The following MAP1LC3A variants were observed in gnomAD, a reference collection of about 807,000 sequenced individuals.
MAP1LC3A encodes microtubule associated protein 1 light chain 3 alpha.
A neutral mutation model predicts 15.2 loss-of-function variants in MAP1LC3A; 10 were observed. The ratio of observed to expected loss-of-function variants is 0.66; its 90% CI spans 0.41 to 1.12. MAP1LC3A has a LOEUF of 1.12. Ranked by LOEUF, MAP1LC3A falls within the 50% of genes most tolerant of loss-of-function variation. MAP1LC3A has a pLI of 0.00. For missense variants in MAP1LC3A, 138 were observed against 167.3 expected, an observed-to-expected ratio of 0.82 and a Z score of 0.97; for synonymous variants, 63 against 64.3, an observed-to-expected ratio of 0.98 and a Z score of 0.10.
chr20:34,558,728 C>T lies in MAP1LC3A; in HGVS notation c.-141C>T, dbSNP rs945180238. ...TGACCTGACGTCACCGGGCGAGTTA[C>T]CTCCCGCAGCCGCAGCCGCCGTGCT... On this transcript the variant is annotated 5_prime_UTR_variant, in exon 1 of 4. Transcript: ENST00000360668. This position sits in a 1 kb window ranked among gnomAD's most constrained non-coding sequence, Gnocchi z 4.3. The T allele has an allele frequency of 6.2e-6, 8 of 1,296,726 alleles. No individual in the cohort carries two copies. Among genetic ancestry groups the T allele is most frequent in the Non-Finnish European group, 7.8e-6 (8 of 1,026,034 alleles). 80.3% of individuals were successfully genotyped at this position (1,296,726 alleles called of 1,614,324 possible).
Position 34,559,235 on chromosome 20 carries a change from T to G in MAP1LC3A, c.68T>G (p.Ile23Ser), listed in dbSNP as rs1377703569. 3 of 1,605,010 alleles carry G rather than the reference T, an allele frequency of 1.9e-6. No individual in the cohort carries two copies. Among genetic ancestry groups the G allele is most frequent in the Non-Finnish European group, 2.5e-6 (3 of 1,176,972 alleles). The change falls in exon 2 of 4, where the codon ATC becomes AGC. Residue 23 changes from isoleucine (I) to serine (S), a missense_variant. Ile to Ser is a moderately radical substitution (Grantham distance 142). Coordinates refer to ENST00000360668, the MANE Select transcript of MAP1LC3A (RefSeq NM_032514.4). ...GACCGCTGTAAGGAGGTACAGCAGA[T>G]CCGCGACCAGCACCCCAGCAAAATC... ...FADRCKEVQQ[I>S]RDQHPSKIPV... is the part of the protein sequence containing the mutation.
At position 34,560,088 on chromosome 20, in the gene MAP1LC3A, T is replaced by C; in HGVS notation, c.*190T>C. The C allele has an allele frequency of 2.9e-6, 1 of 350,288 alleles. No homozygotes were observed. Among genetic ancestry groups the C allele is most frequent in the Non-Finnish European group, 5.3e-6 (1 of 187,370 alleles). 21.7% of individuals were successfully genotyped at this position (350,288 alleles called of 1,614,324 possible). ...TCCTGGGCCGGTCGTGTTAGGGTTG[T>C]CCCTCTGGGTGCTGGCTGGTGGGAT... is the stretch of plus-strand genomic sequence containing the variant. On this transcript the variant is annotated 3_prime_UTR_variant, in exon 4 of 4. Coordinates refer to ENST00000360668, the MANE Select transcript of MAP1LC3A (RefSeq NM_032514.4).
chr20:34,558,113 C>T (rs1357111848), upstream of MAP1LC3A: 4 of 985,550 alleles, frequency 4.1e-6, no homozygotes, highest in Non-Finnish European at 4.8e-6. The surrounding 1 kb of genome is among the most constrained non-coding windows in gnomAD (Gnocchi z 4.3). Flanking sequence ...TCCTTATTCC[C>T]CATCACCTGT....
Position 34,558,998 on chromosome 20 carries a change from G to A in MAP1LC3A, c.40+90G>A, listed in dbSNP as rs945231515. On this transcript the variant is annotated intron_variant, in intron 1 of 3. Transcript: ENST00000360668. This position sits in a 1 kb window ranked among gnomAD's most constrained non-coding sequence, Gnocchi z 4.3. ...GGTGACGTCAGCCCCGTGACGTCAG[G>A]CTCTGGCTGGACCCTCGGGCTGGGA... 143 of 1,339,706 alleles carry A rather than the reference G, an allele frequency of 1.1e-4. No individual in the cohort carries two copies. In the African/African-American group the frequency reaches 1.9e-3, roughly 18 times the overall value. 83.0% of individuals were successfully genotyped at this position (1,339,706 alleles called of 1,614,324 possible). A position where few individuals can be genotyped will look rare whatever the true frequency, so the allele number is the denominator to read the frequency against.
At chr20:34,559,667 T>TG (rs897704526) in intron 3 of MAP1LC3A, 69 bp from the exon 4 acceptor site, 19 of 1,492,666 alleles carry the variant, frequency 1.3e-5, no homozygotes, top group African/African-American at 8.4e-5. Context: ...GGAATCATTC[T>TG]GGGGGTCAGG....
intron 1 of MAP1LC3A, among the ~76,000 whole-genome samples, chr20:34,547,686 C>T (rs756634388): frequency 1.4e-4 from 21 of 152,080 alleles, no homozygotes; most frequent in Non-Finnish European, 2.4e-4. Context: ...CCTGCTTCCC[C>T]GTCACCTTCC....
chr20:34,558,991 A>T lies in MAP1LC3A; in HGVS notation c.40+83A>T. ...TGCCGCAGGTGACGTCAGCCCCGTG[A>T]CGTCAGGCTCTGGCTGGACCCTCGG... is the stretch of plus-strand genomic sequence containing the variant. On this transcript the variant is annotated intron_variant, in intron 1 of 3. Coordinates refer to ENST00000360668, the MANE Select transcript of MAP1LC3A (RefSeq NM_032514.4). The surrounding 1 kb of genome is among the most constrained non-coding windows in gnomAD (Gnocchi z 4.3). The T allele has an allele frequency of 7.5e-7, 1 of 1,339,306 alleles. No homozygotes were observed. Among genetic ancestry groups the T allele is most frequent in the African/African-American group, 1.5e-5 (1 of 64,724 alleles). 83.0% of individuals were successfully genotyped at this position (1,339,306 alleles called of 1,614,324 possible).
At position 34,559,800 on chromosome 20, in the gene MAP1LC3A, A is replaced by T; in HGVS notation, c.268A>T (p.Ser90Cys). ...GCTGGTGAACCAGCACAGCATGGTG[A>T]GTGTGTCCACGCCCATCGCGGACAT... ...FLLVNQHSMV[S>C]VSTPIADIYE... is the part of the protein sequence containing the mutation. Residue 90 changes from serine (S) to cysteine (C), a missense_variant, in exon 4 of 4, where the codon AGT (serine) becomes TGT (cysteine). Transcript: ENST00000360668. The T allele has an allele frequency of 6.2e-7, 1 of 1,613,772 alleles. No homozygotes were observed. The highest frequency in any genetic ancestry group is 8.5e-7 in the Non-Finnish European group (1 of 1,179,920).
intron 1 of MAP1LC3A, 136 bp from the exon 2 acceptor site, chr20:34,559,072 G>C: frequency 7.4e-7 from 1 of 1,342,538 alleles, no homozygotes; most frequent in Non-Finnish European, 9.6e-7. Context: ...CGCGATAGGT[G>C]CCAGGGGCTG....
upstream of MAP1LC3A, among the ~76,000 whole-genome samples, chr20:34,554,318 T>C (rs1460193715): frequency 6.6e-6 from 1 of 151,536 alleles, no homozygotes; most frequent in Non-Finnish European, 1.5e-5. Context: ...CATAGTATAG[T>C]GTTTTACCTT....
chr20:34,559,291 C>G, intron 2 of MAP1LC3A, 28 bp downstream of exon 2: 1 of 1,580,564 alleles, frequency 6.3e-7, no homozygotes, highest in Non-Finnish European at 8.6e-7. Context: ...AGCCCTGCCC[C>G]GCCCCCGCCT....
chr20:34,551,225 C>T (rs1981932917), intron 2 of MAP1LC3A, among the ~76,000 whole-genome samples: 1 of 151,252 alleles, frequency 6.6e-6, no homozygotes, highest in Non-Finnish European at 1.5e-5. Context: ...GCACTTCAGC[C>T]TGGGTGACAG....
chr20:34,559,741 G>A lies in MAP1LC3A; in HGVS notation c.209G>A (p.Arg70His), dbSNP rs1336843917. The change falls in exon 4 of 4, where the codon CGC becomes CAC. Residue 70 changes from arginine to histidine, a missense_variant. Coordinates refer to ENST00000360668, the MANE Select transcript of MAP1LC3A (RefSeq NM_032514.4). ...MSELVKIIRR[R>H]LQLNPTQAFF... ...TACTCTCCCGCCGGCTGCAGGCGCC[G>A]CCTGCAGCTGAACCCCACGCAGGCC... The A allele has an allele frequency of 1.3e-6, 2 of 1,580,426 alleles. No homozygotes were observed. The highest frequency in any genetic ancestry group is 1.7e-6 in the Non-Finnish European group (2 of 1,164,152).
intron 1 of MAP1LC3A, 21 bp from the exon 2 acceptor site, chr20:34,559,187 C>T (rs1367620828): frequency 1.3e-6 from 2 of 1,568,588 alleles, no homozygotes; most frequent in Non-Finnish European, 1.7e-6. Context: ...CCCGGCCTCA[C>T]GGTCTGGCCG....
intron 2 of MAP1LC3A, among the ~76,000 whole-genome samples, chr20:34,551,048 C>A (rs1185374880): frequency 6.6e-6 from 1 of 151,848 alleles, no homozygotes; most frequent in Non-Finnish European, 1.5e-5. Context: ...GAGTTTGAGA[C>A]CAGCCTGGGC....
At chr20:34,555,147 A>C (rs6059912), upstream of MAP1LC3A, among the ~76,000 whole-genome samples, 3 of 143,578 alleles carry the variant, frequency 2.1e-5, no homozygotes, top group East Asian at 6.1e-4. Flanking sequence ...GAATTTTCTT[A>C]TTTTTTTTTT....
upstream of MAP1LC3A, chr20:34,558,517 G>C: frequency 9.3e-7 from 1 of 1,073,928 alleles, no homozygotes; most frequent in East Asian, 6.0e-5. The surrounding 1 kb of genome is among the most constrained non-coding windows in gnomAD (Gnocchi z 4.3). Context: ...CTTGAGTTCG[G>C]GCTGCGGGAG....
chr20:34,558,561 G>A, upstream of MAP1LC3A: 1 of 1,172,794 alleles, frequency 8.5e-7, no homozygotes, highest in Non-Finnish European at 1.1e-6. This position sits in a 1 kb window ranked among gnomAD's most constrained non-coding sequence, Gnocchi z 4.3. Context: ...TCACGGGACT[G>A]TGACGCGCCC....
intron 2 of MAP1LC3A, among the ~76,000 whole-genome samples, chr20:34,552,402 T>C (rs1231418808): frequency 2.0e-5 from 3 of 152,258 alleles, no homozygotes; most frequent in Non-Finnish European, 4.4e-5. Context: ...AGAAAAATTA[T>C]ACAGCATATT....
Sources: allele counts gnomAD v4.1 joint callset (sites outside exome capture counted in the v4.1 genomes callset), GRCh38; gene constraint gnomAD v4.1.1; non-coding constraint Gnocchi (gnomAD v3.1); transcripts MANE v1.5; gene names NCBI Gene and HGNC (gene_info 2026-07-23, HGNC 2026-07-21).